Variants in RBFOX1 observed in about 807,000 individuals in gnomAD.
RBFOX1 encodes RNA binding fox-1 homolog 1.
Under a neutral mutation model 57.7 loss-of-function variants are expected in RBFOX1, and 8 were observed. The observed-to-expected ratio is 0.14, with a 90% CI of 0.08 to 0.25. The LOEUF is 0.25. Among genes scored for constraint, RBFOX1 ranks in the 10% least tolerant of loss-of-function variants. The probability of loss-of-function intolerance (pLI) is 1.00; values close to 1 mark genes in which losing one functional copy is unlikely to be tolerated. For missense variants in RBFOX1, 611 were observed against 548.5 expected, an observed-to-expected ratio of 1.11 and a Z score of -1.14; for synonymous variants, 326 against 222.4, an observed-to-expected ratio of 1.47 and a Z score of -4.15.
At chr16:6,192,565 C>G (rs761956718) in intron 1 of RBFOX1, among the ~76,000 whole-genome samples, 18 of 152,108 alleles carry the variant, frequency 1.2e-4, no homozygotes, top group Admixed American at 9.2e-4. Flanking sequence ...AGGATGGTCA[C>G]TAAGCATCTT....
intron 2 of RBFOX1, among the ~76,000 whole-genome samples, chr16:6,550,523 A>G (rs146193312): frequency 2.8e-4 from 42 of 152,128 alleles, no homozygotes; most frequent in African/African-American, 9.9e-4. Context: ...ACGGGGTTTC[A>G]TGATGTTGAC....
chr16:7,268,517 G>A (rs2095235244), intron 4 of RBFOX1, among the ~76,000 whole-genome samples: 1 of 152,170 alleles, frequency 6.6e-6, no homozygotes, highest in Non-Finnish European at 1.5e-5. Context: ...GCGGTAATAT[G>A]TTCTAATGAG....
chr16:6,637,106 T>A (rs1166288767), intron 2 of RBFOX1, among the ~76,000 whole-genome samples: 5 of 11,786 alleles, frequency 4.2e-4, no homozygotes, highest in African/African-American at 6.8e-4. Flanking sequence ...AATATATATA[T>A]TATATAATAT....
chr16:5,716,955 C>A (rs924318447), intron 3 of RBFOX1, among the ~76,000 whole-genome samples: 4 of 152,276 alleles, frequency 2.6e-5, no homozygotes, highest in Non-Finnish European at 4.4e-5. Flanking sequence ...TACAACTTTT[C>A]CCTTGACAGG....
chr16:6,007,070 CT>C (rs1423169658), intron 4 of RBFOX1, among the ~76,000 whole-genome samples: 1 of 152,138 alleles, frequency 6.6e-6, no homozygotes, highest in Non-Finnish European at 1.5e-5. Flanking sequence ...TTATTTCTCA[CT>C]GGAACCAAGC....
At chr16:5,719,564 T>C (rs182340568) in intron 3 of RBFOX1, among the ~76,000 whole-genome samples, 4 of 152,034 alleles carry the variant, frequency 2.6e-5, no homozygotes, top group African/African-American at 9.7e-5. Context: ...TAACTCCCCA[T>C]TTTGCTCGCC....
intron 2 of RBFOX1, among the ~76,000 whole-genome samples, chr16:6,382,599 C>T (rs1042433197): frequency 3.3e-5 from 5 of 152,274 alleles, no homozygotes; most frequent in Non-Finnish European, 7.4e-5. Context: ...GTGGCTCATG[C>T]CTGTAATCCC....
At chr16:6,351,559 A>C (rs1310792822) in intron 2 of RBFOX1, among the ~76,000 whole-genome samples, 2 of 151,576 alleles carry the variant, frequency 1.3e-5, no homozygotes, top group Non-Finnish European at 2.9e-5. Flanking sequence ...ATTTTGGTAG[A>C]GACAGGGTTT....
At position 7,139,176 on chromosome 16, in the gene RBFOX1, C is replaced by CTCTGTCTGTGTGTG. The variant is rs372381673; in HGVS notation, c.27+87079_27+87080insCTGTCTGTGTGTGT. Among the ~76,000 whole-genome samples the CTCTGTCTGTGTGTG allele has an allele frequency of 3.4e-5, 5 of 145,908 alleles. No homozygotes were observed. In the Middle Eastern group the frequency reaches 0.018, roughly 514 times the overall value. ...TAATGCAGATGAAATCAATCTCTCT[C>CTCTGTCTGTGTGTG]TGTGTGTGTGTGTGTGTGTGTATGT... is the stretch of plus-strand genomic sequence containing the variant. On this transcript the variant is annotated intron_variant, in intron 4 of 15. Transcript: ENST00000550418.
chr16:5,811,121 T>G (rs1597344970), intron 3 of RBFOX1, among the ~76,000 whole-genome samples: 1 of 149,884 alleles, frequency 6.7e-6, no homozygotes, highest in African/African-American at 2.4e-5. Context: ...GAATTTTATA[T>G]AAATGAAATC....
intron 4 of RBFOX1, among the ~76,000 whole-genome samples, chr16:7,398,434 A>G (rs2098178707): frequency 1.3e-5 from 2 of 152,216 alleles, no homozygotes; most frequent in African/African-American, 4.8e-5. Context: ...AAGAATCTCA[A>G]TATATGGTGG....
chr16:7,220,992 G>A (rs796688152), intron 4 of RBFOX1, among the ~76,000 whole-genome samples: 13 of 152,206 alleles, frequency 8.5e-5, no homozygotes, highest in African/African-American at 2.2e-4. Context: ...ACAAGTCATC[G>A]GTTTCCAACT....
At chr16:7,067,336 A>T (rs373478979) in intron 4 of RBFOX1, among the ~76,000 whole-genome samples, 8 of 152,172 alleles carry the variant, frequency 5.3e-5, no homozygotes, top group Non-Finnish European at 1.2e-4. Flanking sequence ...ATAGAACACA[A>T]ATTTACTATT....
intron 1 of RBFOX1, among the ~76,000 whole-genome samples, chr16:6,271,988 C>T (rs912135111): frequency 6.6e-6 from 1 of 151,884 alleles, no homozygotes; most frequent in African/African-American, 2.4e-5. Flanking sequence ...AGGACAAAGC[C>T]AGGAGAAAAA....
intron 4 of RBFOX1, among the ~76,000 whole-genome samples, chr16:7,247,594 G>A (rs985854937): frequency 6.6e-6 from 1 of 152,160 alleles, no homozygotes; most frequent in African/African-American, 2.4e-5. Flanking sequence ...AAGCCCCCAG[G>A]TCATCCTTAA....
chr16:6,854,152 G>A (rs977977319), intron 3 of RBFOX1, among the ~76,000 whole-genome samples: 36 of 152,144 alleles, frequency 2.4e-4, no homozygotes, highest in African/African-American at 8.4e-4. Context: ...CAAAATATGA[G>A]TGTCTGACGT....
chr16:7,586,913 G>A (rs558111833), intron 6 of RBFOX1, among the ~76,000 whole-genome samples: 1 of 152,326 alleles, frequency 6.6e-6, no homozygotes, highest in South Asian at 2.1e-4. Flanking sequence ...TAGTGGGATA[G>A]ACCAGAAGGA....
intron 1 of RBFOX1, among the ~76,000 whole-genome samples, chr16:6,183,723 T>G (rs2097085278): frequency 6.6e-6 from 1 of 152,068 alleles, no homozygotes; most frequent in African/African-American, 2.4e-5. Flanking sequence ...CTTCTTGTCA[T>G]ATCCACAGCA....
intron 4 of RBFOX1, among the ~76,000 whole-genome samples, chr16:7,132,453 C>T (rs994429461): frequency 5.1e-5 from 4 of 78,372 alleles, no homozygotes; most frequent in Admixed American, 1.8e-4. Flanking sequence ...CACACACACA[C>T]ACACACACAC....
Sources: gnomAD v4.1 joint callset for allele counts (sites outside exome capture counted in the v4.1 genomes callset) on GRCh38, gnomAD v4.1.1 for gene constraint, MANE v1.5 for transcripts, NCBI Gene and HGNC (gene_info 2026-07-23, HGNC 2026-07-21) for gene names.